Variants in GNL3L observed in about 807,000 individuals in gnomAD.
GNL3L encodes guanine nucleotide-binding protein-like 3-like protein.
GNL3L carries 4 observed loss-of-function variants against 42.9 expected under a neutral mutation model. The observed-to-expected ratio is 0.09, with a 90% CI of 0.05 to 0.21. The LOEUF (loss-of-function observed/expected upper bound fraction) is 0.21. Among genes scored for constraint, GNL3L ranks in the 10% least tolerant of loss-of-function variants. GNL3L has a pLI of 1.00. For synonymous variants in GNL3L, 159 were observed against 176.3 expected (o/e 0.90, Z 0.78); for missense variants, 412 against 481.7 (o/e 0.86, Z 1.36).
Position 54,564,653 on chromosome X carries a change from G to T in GNL3L, c.*4051G>T, listed in dbSNP as rs1206799402. Reference sequence around the variant, plus strand: ...GAACTCCTGACCTCATGATCCTCCTGCCTCAGCCTCCCAAAGTGCTGGGAT... The same window carrying T: ...GAACTCCTGACCTCATGATCCTCCTTCCTCAGCCTCCCAAAGTGCTGGGAT... On this transcript the variant is annotated 3_prime_UTR_variant, in exon 16 of 16. Transcript: ENST00000360845. Among the ~76,000 whole-genome samples the T allele has an allele frequency of 9.4e-6, 1 of 106,307 alleles. No homozygotes were observed. Among genetic ancestry groups the T allele is most frequent in the Non-Finnish European group, 1.9e-5 (1 of 51,825 alleles). 92.3% of individuals were successfully genotyped at this position (106,307 alleles called of 115,157 possible). A position where few individuals can be genotyped will look rare whatever the true frequency, so the allele number is the denominator to read the frequency against.
At chrX:54,578,397 G>C (rs1454292540) in intron 16 of GNL3L, among the ~76,000 whole-genome samples, 1 of 111,747 alleles carries the variant, frequency 8.9e-6, no homozygotes, top group African/African-American at 3.2e-5. Flanking sequence ...CAAATACATA[G>C]ATATTTAACC....
intron 2 of GNL3L, among the ~76,000 whole-genome samples, chrX:54,534,946 G>A (rs1000589346): frequency 1.8e-5 from 2 of 111,504 alleles, no homozygotes; most frequent in African/African-American, 6.5e-5. Context: ...TCCAGACCTG[G>A]TTCATTCCAA....
intron 16 of GNL3L, among the ~76,000 whole-genome samples, chrX:54,572,642 C>T (rs1271602752): frequency 1.8e-5 from 2 of 108,573 alleles, no homozygotes; most frequent in Non-Finnish European, 3.9e-5. Flanking sequence ...GGGCTGACCC[C>T]CCCACCTCCC....
At chrX:54,640,248 A>G in the GNL3L span, among the ~76,000 whole-genome samples, 7 of 111,580 alleles carry the variant, frequency 6.3e-5, no homozygotes, top group African/African-American at 2.3e-4. Flanking sequence ...GACGGAAGGA[A>G]AAGACTGAAA....
chrX:54,574,744 C>T (rs774427350), intron 16 of GNL3L, among the ~76,000 whole-genome samples: 8 of 112,131 alleles, frequency 7.1e-5, no homozygotes, highest in African/African-American at 2.3e-4. Context: ...GCAAAGCAAG[C>T]TGGGCTTGGG....
In GNL3L at chrX:54,579,986, G is replaced by GTTTTTTTTTTTTTT. The variant is rs869217575; in HGVS notation, c.*45+19353_*45+19366dup. Among the ~76,000 whole-genome samples the GTTTTTTTTTTTTTT allele has an allele frequency of 1.8e-3, 87 of 47,659 alleles. 3 individuals carry two copies. The highest frequency in any genetic ancestry group is 7.9e-3 in the African/African-American group (81 of 10,191). 41.4% of individuals were successfully genotyped at this position (47,659 alleles called of 115,157 possible). The stretch of plus-strand genomic sequence containing the variant: ...AGCCACTGTGCCTGGCCTAAAGTTT[G>GTTTTTTTTTTTTTT]TTTTTTTTTTTTTTTTTTTTTTTTT... On this transcript the variant is annotated intron_variant, in intron 16 of 16. Coordinates refer to the GNL3L transcript ENST00000674498.
At chrX:54,537,742 C>T (rs947201002) in intron 2 of GNL3L, among the ~76,000 whole-genome samples, 1 of 110,735 alleles carries the variant, frequency 9.0e-6, no homozygotes, top group Non-Finnish European at 1.9e-5. Context: ...GCTACTGTGC[C>T]CAGCTTAAGT....
At chrX:54,531,977 C>G (rs1224981091) in intron 1 of GNL3L, among the ~76,000 whole-genome samples, 1 of 110,446 alleles carries the variant, frequency 9.1e-6, no homozygotes, top group Admixed American at 9.7e-5. Flanking sequence ...TATAGACACT[C>G]AGGTAAGAAT....
intron 7 of GNL3L, 28 bp downstream of exon 7, chrX:54,543,370 C>T: frequency 8.3e-7 from 1 of 1,202,254 alleles, no homozygotes; most frequent in South Asian, 1.8e-5. Context: ...TTGGGTGTGA[C>T]AGGGAAGGTG....
chrX:54,639,866 T>C, the GNL3L span, among the ~76,000 whole-genome samples: 1 of 109,650 alleles, frequency 9.1e-6, no homozygotes, highest in Non-Finnish European at 1.9e-5. Context: ...GTCGGATTTG[T>C]CTGGGCCAGG....
At chrX:54,544,169 C>T in intron 7 of GNL3L, 54 bp from the exon 8 acceptor site, 1 of 661,722 alleles carries the variant, frequency 1.5e-6, no homozygotes. Context: ...TTGGAGGGAA[C>T]CATGGAGGTG....
rs747270709 is a variant in GNL3L at position 54,551,014 on chromosome X, G to A, written c.827G>A (p.Arg276His). The change falls in exon 10 of 16, where the codon CGC (arginine) becomes CAC (histidine). Residue 276 changes from arginine (R) to histidine (H), a missense_variant. Physicochemically the swap from Arg to His is conservative, Grantham distance 29 (BLOSUM62 0). Coordinates refer to ENST00000360845, the MANE Select transcript of GNL3L (RefSeq NM_001184819.2). ...SSLINSLKRS[R>H]ACSVGAVPGI... is the part of the protein sequence containing the mutation. ...CTGATCAATAGCCTGAAGCGCAGCC[G>A]CGCATGCAGCGTGGGAGCTGTTCCT... is the stretch of plus-strand genomic sequence containing the variant. 18 of 1,150,052 alleles carry A rather than the reference G, an allele frequency of 1.6e-5. No homozygotes were observed. Among genetic ancestry groups the A allele is most frequent in the East Asian group, 1.2e-4 (4 of 33,518 alleles). 94.8% of individuals were successfully genotyped at this position (1,150,052 alleles called of 1,213,427 possible). A position where few individuals can be genotyped will look rare whatever the true frequency, so the allele number is the denominator to read the frequency against.
chrX:54,619,011 G>A (rs1032499113), intron 16 of GNL3L, among the ~76,000 whole-genome samples: 18 of 111,937 alleles, frequency 1.6e-4, no homozygotes, highest in African/African-American at 5.8e-4. Context: ...CTAAAACCTA[G>A]GGTTAGTGAG....
At chrX:54,573,088 C>G (rs1228658974) in intron 16 of GNL3L, among the ~76,000 whole-genome samples, 1 of 110,784 alleles carries the variant, frequency 9.0e-6, no homozygotes, top group Non-Finnish European at 1.9e-5. Context: ...AGGGGCTCCT[C>G]ACATCCCAGA....
At chrX:54,637,669 A>C in the GNL3L span, among the ~76,000 whole-genome samples, 1 of 112,551 alleles carries the variant, frequency 8.9e-6, no homozygotes, top group South Asian at 3.6e-4. Context: ...TTTACTTGCT[A>C]ATTTGTGCAA....
chrX:54,596,846 T>C (rs993119904), intron 16 of GNL3L, among the ~76,000 whole-genome samples: 1 of 111,560 alleles, frequency 9.0e-6, no homozygotes, highest in Non-Finnish European at 1.9e-5. Flanking sequence ...CATAGGCCCA[T>C]TGAAAGTACT....
rs1924364924 is a variant in GNL3L, at chrX:54,534,547, A to C, written c.19+1962A>C. On this transcript the variant is annotated intron_variant, in intron 2 of 15. Transcript: ENST00000360845. ...GGAGATGAGGGATTAGCGAATACAG[A>C]GATCTGCTTTTGAGTACTGATGAAT... Among the ~76,000 whole-genome samples the C allele has an allele frequency of 2.7e-5, 3 of 111,772 alleles. No individual in the cohort carries two copies. The South Asian group carries it at 1.1e-3, about 41-fold the overall frequency.
intron 16 of GNL3L, among the ~76,000 whole-genome samples, chrX:54,606,995 CCTTTCTTT>C (rs56807107): frequency 0.037 from 1,033 of 27,773 alleles, 61 homozygotes; most frequent in South Asian, 0.047. Flanking sequence ...CCTTTCCTTT[CCTTTCTTT>C]CTTTCTTTCT....
chrX:54,557,000 G>A (rs1925113815), intron 14 of GNL3L, among the ~76,000 whole-genome samples: 2 of 110,141 alleles, frequency 1.8e-5, no homozygotes, highest in African/African-American at 3.3e-5. Context: ...GGCCAACATG[G>A]TGAAACCCCG....
Sources: gnomAD v4.1 joint callset for allele counts (sites outside exome capture counted in the v4.1 genomes callset) on GRCh38, gnomAD v4.1.1 for gene constraint, MANE v1.5 for transcripts, NCBI Gene and HGNC (gene_info 2026-07-23, HGNC 2026-07-21) for gene names.